Variants in PCDH15 observed in about 807,000 individuals in gnomAD.
The protein encoded by PCDH15 is protocadherin related 15, also known as protocadherin-15.
A neutral mutation model predicts 178.5 loss-of-function variants in PCDH15; 129 were observed. The ratio of observed to expected loss-of-function variants is 0.72; its 90% CI spans 0.63 to 0.84. The LOEUF (loss-of-function observed/expected upper bound fraction) is 0.84, where lower values mean the gene tolerates loss of function less well. PCDH15 is among the 40% of genes least tolerant of loss of function. PCDH15 has a pLI of 0.00. For synonymous variants in PCDH15, 800 were observed against 732.0 expected, an observed-to-expected ratio of 1.09 and a Z score of -1.50; for missense variants, 2,230 against 2,099.9, an observed-to-expected ratio of 1.06 and a Z score of -1.21.
At chr10:54,841,358 T>A (rs1591734594) in intron 3 of PCDH15, among the ~76,000 whole-genome samples, 1 of 151,734 alleles carries the variant, frequency 6.6e-6, no homozygotes, top group East Asian at 1.9e-4. Context: ...AAAAAGCATC[T>A]TAAAATTTTA....
intron 2 of PCDH15, among the ~76,000 whole-genome samples, chr10:54,626,076 A>G (rs1019768987): frequency 2.0e-5 from 3 of 152,116 alleles, no homozygotes; most frequent in African/African-American, 7.2e-5. Context: ...GGAACTTTGA[A>G]CTTGAGAGAG....
chr10:54,119,539 G>A (rs1009871816), intron 15 of PCDH15, among the ~76,000 whole-genome samples: 2 of 151,994 alleles, frequency 1.3e-5, no homozygotes, highest in Non-Finnish European at 2.9e-5. Context: ...TTCTGAGAGA[G>A]AAAGAGAAAA....
chr10:54,336,846 T>C (rs1170531602), intron 6 of PCDH15, among the ~76,000 whole-genome samples: 2 of 152,074 alleles, frequency 1.3e-5, no homozygotes, highest in African/African-American at 4.8e-5. Flanking sequence ...TTACTGATAG[T>C]TTGCACTGCA....
intron 21 of PCDH15, among the ~76,000 whole-genome samples, chr10:53,992,264 G>A (rs774688019): frequency 3.9e-5 from 6 of 152,148 alleles, no homozygotes; most frequent in Non-Finnish European, 7.3e-5. Flanking sequence ...CTCCAAACAC[G>A]TCTGAACATC....
intron 2 of PCDH15, among the ~76,000 whole-genome samples, chr10:55,018,556 C>T (rs1369631287): frequency 1.3e-5 from 2 of 151,682 alleles, no homozygotes; most frequent in African/African-American, 4.8e-5. Context: ...GATGTGGAAC[C>T]CAGGGATACT....
intron 3 of PCDH15, among the ~76,000 whole-genome samples, chr10:54,895,718 T>C (rs1954533549): frequency 6.6e-6 from 1 of 152,218 alleles, no homozygotes; most frequent in African/African-American, 2.4e-5. Context: ...GTTACTGATA[T>C]TTTGGGAACC....
chr10:54,260,936 T>A (rs752618399), intron 8 of PCDH15, among the ~76,000 whole-genome samples: 1 of 152,146 alleles, frequency 6.6e-6, no homozygotes, highest in African/African-American at 2.4e-5. Context: ...CCCGGCCTGA[T>A]TTTTATGCTT....
At chr10:54,612,465 A>T (rs2092994806) in intron 2 of PCDH15, among the ~76,000 whole-genome samples, 1 of 151,800 alleles carries the variant, frequency 6.6e-6, no homozygotes, top group Admixed American at 6.6e-5. Context: ...TAAAATGATT[A>T]ATTTTTAATT....
At chr10:55,177,078 C>A (rs1438674948) in intron 1 of PCDH15, among the ~76,000 whole-genome samples, 1 of 152,142 alleles carries the variant, frequency 6.6e-6, no homozygotes, top group African/African-American at 2.4e-5. Context: ...TAAGGCTCGG[C>A]TCTATCAGAC....
intron 5 of PCDH15, among the ~76,000 whole-genome samples, chr10:54,350,565 A>C (rs1944011799): frequency 1.3e-5 from 2 of 152,258 alleles, no homozygotes; most frequent in South Asian, 2.1e-4. Flanking sequence ...CCGAGAAAAA[A>C]GAAGATAAGT....
chr10:55,423,755 G>A (rs972479401), intron 2 of PCDH15, among the ~76,000 whole-genome samples: 1 of 151,956 alleles, frequency 6.6e-6, no homozygotes, highest in Non-Finnish European at 1.5e-5. Context: ...AGACATAGCA[G>A]GACAGATAAT....
At chr10:54,769,263 A>C (rs111580817) in intron 1 of PCDH15, among the ~76,000 whole-genome samples, 1 of 151,920 alleles carries the variant, frequency 6.6e-6, no homozygotes, top group African/African-American at 2.4e-5. Context: ...TGCTCACTCC[A>C]GGGTGTAAGC....
intron 20 of PCDH15, among the ~76,000 whole-genome samples, chr10:54,005,667 A>G (rs1263623888): frequency 6.6e-6 from 1 of 152,044 alleles, no homozygotes; most frequent in Non-Finnish European, 1.5e-5. Flanking sequence ...GGCAAATGCT[A>G]ATAAGGATGT....
chr10:54,729,963 G>A (rs11498111), intron 1 of PCDH15, among the ~76,000 whole-genome samples: 1,869 of 151,634 alleles, frequency 0.012, 28 homozygotes, highest in African/African-American at 0.042. Flanking sequence ...GTGCAAATTT[G>A]TTCGGCCACT....
intron 9 of PCDH15, among the ~76,000 whole-genome samples, chr10:54,232,182 T>G (rs2054145555): frequency 6.6e-6 from 1 of 152,104 alleles, no homozygotes; most frequent in South Asian, 2.1e-4. Context: ...GGGGGGAAAT[T>G]TCCCCCTTGC....
chr10:54,020,054 G>C, intron 20 of PCDH15, 138 bp downstream of exon 20: 1 of 712,614 alleles, frequency 1.4e-6, no homozygotes. Context: ...ATTTCCATTG[G>C]AAAATCTATG....
In PCDH15 at chr10:54,048,759, C is replaced by T. The variant is rs1375161868; in HGVS notation, c.2220+17998G>A. On this transcript the variant is annotated intron_variant, in intron 18 of 37. Coordinates refer to ENST00000644397, the MANE Select transcript of PCDH15 (RefSeq NM_001384140.1). Reference sequence around the variant, plus strand: ...TGTGTCTGTCTATGTGTAGCCTATACTACTGTAGGCTTGTAGTATAGTTTG... The same window carrying T: ...TGTGTCTGTCTATGTGTAGCCTATATTACTGTAGGCTTGTAGTATAGTTTG... Among the ~76,000 whole-genome samples the T allele has an allele frequency of 2.6e-5, 4 of 151,964 alleles. No homozygotes were observed. The East Asian group carries it at 7.7e-4, about 29-fold the overall frequency.
intron 3 of PCDH15, among the ~76,000 whole-genome samples, chr10:54,454,952 C>A (rs1011462136): frequency 6.6e-6 from 1 of 151,998 alleles, no homozygotes; most frequent in African/African-American, 2.4e-5. Flanking sequence ...GGATCCAGTG[C>A]GAGGTAATTT....
chr10:54,236,085 A>C (rs1436281191), intron 9 of PCDH15, among the ~76,000 whole-genome samples: 1 of 152,176 alleles, frequency 6.6e-6, no homozygotes, highest in Admixed American at 6.5e-5. Context: ...GCTGAACTCC[A>C]TTAAAGTTAT....
Sources: gnomAD v4.1 joint callset for allele counts (sites outside exome capture counted in the v4.1 genomes callset) on GRCh38, gnomAD v4.1.1 for gene constraint, MANE v1.5 for transcripts, NCBI Gene and HGNC (gene_info 2026-07-23, HGNC 2026-07-21) for gene names.